The following DIP2B variants were observed in gnomAD, a reference collection of about 807,000 sequenced individuals.
DIP2B encodes the protein DIP2 acetate--CoA ligase B (putative), also known as disco-interacting protein 2 homolog B.
A neutral mutation model predicts 198.0 loss-of-function variants in DIP2B; 76 were observed. The observed-to-expected ratio is 0.38, with a 90% confidence interval of 0.32 to 0.46. The LOEUF (loss-of-function observed/expected upper bound fraction) is 0.46. DIP2B is among the 20% of genes least tolerant of loss of function. DIP2B has a pLI of 0.99. For synonymous variants in DIP2B, 701 were observed against 739.1 expected, an observed-to-expected ratio of 0.95 and a Z score of 0.84; for missense variants, 1,559 against 1,978.4, an observed-to-expected ratio of 0.79 and a Z score of 4.02.
At chr12:50,541,209 A>G (rs1958322341) in intron 1 of DIP2B, among the ~76,000 whole-genome samples, 2 of 152,156 alleles carry the variant, frequency 1.3e-5, no homozygotes, top group African/African-American at 4.8e-5. Flanking sequence ...ACAAGGCCAT[A>G]TGTATCAAAT....
At chr12:50,532,712 C>G (rs1045335630) in intron 1 of DIP2B, among the ~76,000 whole-genome samples, 3 of 152,066 alleles carry the variant, frequency 2.0e-5, no homozygotes, top group African/African-American at 7.2e-5. Context: ...CAAGAGGTCT[C>G]TAGTCTCAGC....
intron 1 of DIP2B, among the ~76,000 whole-genome samples, chr12:50,594,027 G>A (rs1320323690): frequency 2.7e-5 from 4 of 147,936 alleles, no homozygotes; most frequent in African/African-American, 5.0e-5. Flanking sequence ...TGCAACCTCC[G>A]CCTCCCAGGT....
At chr12:50,633,816 C>T (rs1272805445) in intron 2 of DIP2B, among the ~76,000 whole-genome samples, 1 of 152,020 alleles carries the variant, frequency 6.6e-6, no homozygotes, top group African/African-American at 2.4e-5. Flanking sequence ...GGATTAGGTT[C>T]TAAAGTCACT....
chr12:50,680,658 TC>T lies in DIP2B; in HGVS notation c.1115-12del. ...TTTCTATATGACTGTTGTTTTTTTTTCCTTTTTTTCCAGGAAAGTTGTGGAG... is the reference window on the plus strand; with the variant it reads ...TTTCTATATGACTGTTGTTTTTTTTTCTTTTTTTCCAGGAAAGTTGTGGAG... On this transcript the variant is annotated splice_polypyrimidine_tract_variant and intron_variant, in intron 8 of 37. Coordinates refer to ENST00000301180, the MANE Select transcript of DIP2B (RefSeq NM_173602.3). The T allele has an allele frequency of 6.2e-7, 1 of 1,607,816 alleles. No individual in the cohort carries two copies.
At chr12:50,595,189 G>A (rs900177409) in intron 1 of DIP2B, among the ~76,000 whole-genome samples, 1 of 152,192 alleles carries the variant, frequency 6.6e-6, no homozygotes, top group Non-Finnish European at 1.5e-5. Flanking sequence ...GCTGACTCTG[G>A]TGATGCGTGT....
chr12:50,576,791 T>G (rs1293221113), intron 1 of DIP2B, among the ~76,000 whole-genome samples: 2 of 152,030 alleles, frequency 1.3e-5, no homozygotes, highest in Non-Finnish European at 2.9e-5. Context: ...GGTCTGACCC[T>G]TTACAGAAAA....
At chr12:50,708,381 C>T (rs1939552958) in intron 21 of DIP2B, 67 bp from the exon 22 acceptor site, 1 of 1,435,762 alleles carries the variant, frequency 7.0e-7, no homozygotes, top group Admixed American at 2.0e-5. Context: ...TCTGTAATTC[C>T]AGTTAAACAA....
intron 1 of DIP2B, among the ~76,000 whole-genome samples, chr12:50,590,461 C>T (rs1281430059): frequency 2.6e-5 from 4 of 152,116 alleles, no homozygotes; most frequent in East Asian, 1.9e-4. Context: ...CCTCCGCCTC[C>T]GGGGTTCAAG....
At chr12:50,650,009 G>A (rs1024594145) in intron 3 of DIP2B, among the ~76,000 whole-genome samples, 2 of 152,098 alleles carry the variant, frequency 1.3e-5, no homozygotes, top group Non-Finnish European at 2.9e-5. Flanking sequence ...AGGAGTTTGA[G>A]ACCAGCCTGG....
chr12:50,529,930 A>C (rs1341051435), intron 1 of DIP2B, among the ~76,000 whole-genome samples: 1 of 152,230 alleles, frequency 6.6e-6, no homozygotes. Flanking sequence ...ATATCCATTA[A>C]ATTGAATTTC....
chr12:50,733,389 T>C (rs1331743883), intron 32 of DIP2B, among the ~76,000 whole-genome samples: 1 of 152,052 alleles, frequency 6.6e-6, no homozygotes, highest in African/African-American at 2.4e-5. Context: ...TATTAATGTG[T>C]AATAAGGCAA....
At chr12:50,671,160 ACTT>A in intron 4 of DIP2B, 23 bp from the exon 5 acceptor site, 1 of 1,610,832 alleles carries the variant, frequency 6.2e-7, no homozygotes, top group Non-Finnish European at 8.5e-7. Context: ...AGGATCGAGA[ACTT>A]CTTTTTTTCT....
At chr12:50,647,327 G>T (rs1162319283) in intron 3 of DIP2B, among the ~76,000 whole-genome samples, 1 of 152,138 alleles carries the variant, frequency 6.6e-6, no homozygotes, top group Non-Finnish European at 1.5e-5. Context: ...GAGACGGGAA[G>T]GCATACAGTG....
At chr12:50,548,360 T>C (rs1434972493) in intron 1 of DIP2B, among the ~76,000 whole-genome samples, 1 of 152,082 alleles carries the variant, frequency 6.6e-6, no homozygotes, top group Admixed American at 6.5e-5. Flanking sequence ...TTAACAACGA[T>C]GTCCTTTAAA....
chr12:50,587,141 A>G (rs1339721401), intron 1 of DIP2B, among the ~76,000 whole-genome samples: 4 of 152,148 alleles, frequency 2.6e-5, no homozygotes, highest in Non-Finnish European at 1.5e-5. Flanking sequence ...ACTTCCAGAT[A>G]CAGTCACTTT....
At chr12:50,534,600 C>T (rs772204717) in intron 1 of DIP2B, among the ~76,000 whole-genome samples, 10 of 151,736 alleles carry the variant, frequency 6.6e-5, no homozygotes, top group Admixed American at 6.6e-5. Flanking sequence ...CTGACCTCAG[C>T]TGATCCACCC....
At chr12:50,624,425 C>T (rs1014172100) in intron 1 of DIP2B, among the ~76,000 whole-genome samples, 3 of 152,120 alleles carry the variant, frequency 2.0e-5, no homozygotes, top group African/African-American at 7.2e-5. Flanking sequence ...CATCACCTCC[C>T]GGGTTCAAGC....
intron 3 of DIP2B, among the ~76,000 whole-genome samples, chr12:50,653,042 C>T (rs2684898): frequency 0.25 from 38,319 of 151,494 alleles, 5,922 homozygotes; most frequent in Non-Finnish European, 0.35. Context: ...CTCCTGGGCT[C>T]AAGTGATCCT....
intron 1 of DIP2B, among the ~76,000 whole-genome samples, chr12:50,558,970 T>A (rs1181908493): frequency 6.6e-6 from 1 of 152,208 alleles, no homozygotes; most frequent in African/African-American, 2.4e-5. Flanking sequence ...AGCAGAAGAC[T>A]GGAGATTTAT....
Sources: allele counts gnomAD v4.1 joint callset (sites outside exome capture counted in the v4.1 genomes callset), GRCh38; gene constraint gnomAD v4.1.1; transcripts MANE v1.5; gene names NCBI Gene and HGNC (gene_info 2026-07-23, HGNC 2026-07-21).